CACNA1C: variants seen among roughly 807,000 people sequenced by gnomAD.
CACNA1C encodes the protein calcium voltage-gated channel subunit alpha1 C, also known as voltage-dependent L-type calcium channel subunit alpha-1C.
Under a neutral mutation model 229.0 loss-of-function variants are expected in CACNA1C, and 30 were observed. The ratio of observed to expected loss-of-function variants is 0.13; its 90% CI spans 0.10 to 0.18. The LOEUF is 0.18. Ranked by LOEUF, CACNA1C falls within the 10% of genes least tolerant of loss-of-function variation. The pLI is 1.00. For missense variants in CACNA1C, 1,658 were observed against 2,845.0 expected (o/e 0.58, Z 9.49); for synonymous variants, 1,114 against 1,132.5 (o/e 0.98, Z 0.33).
At chr12:2,184,258 C>A (rs1258053019) in intron 3 of CACNA1C, among the ~76,000 whole-genome samples, 1 of 152,220 alleles carries the variant, frequency 6.6e-6, no homozygotes, top group Non-Finnish European at 1.5e-5. Context: ...TCTGAAGCCA[C>A]GAGGCCTCGG....
At chr12:2,229,704 G>A (rs2064155280) in intron 3 of CACNA1C, among the ~76,000 whole-genome samples, 2 of 152,134 alleles carry the variant, frequency 1.3e-5, no homozygotes, top group Non-Finnish European at 2.9e-5. Context: ...ACTGACATTC[G>A]AGAGGAACGC....
intron 4 of CACNA1C, among the ~76,000 whole-genome samples, chr12:2,456,651 C>T (rs2099427353): frequency 6.6e-6 from 1 of 152,164 alleles, no homozygotes; most frequent in Admixed American, 6.5e-5. Context: ...CCCTCACTTC[C>T]CATAGGCCTC....
intron 3 of CACNA1C, among the ~76,000 whole-genome samples, chr12:2,153,246 A>G (rs985801216): frequency 6.6e-6 from 1 of 152,176 alleles, no homozygotes; most frequent in African/African-American, 2.4e-5. Context: ...ATGAAAGACA[A>G]CACTCAAGAA....
At chr12:1,999,400 T>A (rs763254617) in intron 1 of CACNA1C, among the ~76,000 whole-genome samples, 9 of 152,220 alleles carry the variant, frequency 5.9e-5, no homozygotes, top group Non-Finnish European at 1.3e-4. Context: ...TTTATTATTA[T>A]GGAATATGAA....
intron 1 of CACNA1C, among the ~76,000 whole-genome samples, chr12:2,088,422 G>T (rs1450608299): frequency 1.3e-5 from 2 of 152,154 alleles, no homozygotes; most frequent in South Asian, 2.1e-4. Flanking sequence ...TTGCTGTCAG[G>T]CTGCTTGGTT....
intron 3 of CACNA1C, among the ~76,000 whole-genome samples, chr12:2,330,249 C>T (rs565679781): frequency 3.7e-4 from 56 of 152,248 alleles, no homozygotes; most frequent in East Asian, 9.6e-4. Context: ...CATGAGATGC[C>T]GGGGAAGACC....
At position 2,676,730 on chromosome 12, in the gene CACNA1C, T is replaced by TA. The variant is rs35552109; in HGVS notation, c.4829-352dup. ...CTGGAATCAAATGTATCAGTTCAGTTAAAAAAAAAAAAGCGGGAAATAATT... is the reference window on the plus strand; with the variant it reads ...CTGGAATCAAATGTATCAGTTCAGTTAAAAAAAAAAAAAGCGGGAAATAATT... On this transcript the variant is annotated intron_variant, in intron 39 of 46. Transcript: ENST00000399655. 730 of 168,998 alleles carry TA rather than the reference T, an allele frequency of 4.3e-3. 1 individual carries two copies. Among genetic ancestry groups the TA allele is most frequent in the South Asian group, 0.013 (103 of 7,646 alleles). 10.5% of individuals were successfully genotyped at this position (168,998 alleles called of 1,614,324 possible).
At position 2,157,133 on chromosome 12, in the gene CACNA1C, T is replaced by C. The variant is rs377199822; in HGVS notation, c.477+36703T>C. On this transcript the variant is annotated intron_variant, in intron 3 of 46. Transcript: ENST00000399655. Reference sequence around the variant, plus strand: ...GTTCAACGTTTGTATTCTTAGAAAATGCTAAGAGTAGATGGCACAGTGTTC... The same window carrying C: ...GTTCAACGTTTGTATTCTTAGAAAACGCTAAGAGTAGATGGCACAGTGTTC... 1.6e-4 allele frequency among the ~76,000 whole-genome samples: 25 copies of C among 152,258 alleles called. No individual in the cohort carries two copies. In the East Asian group the frequency reaches 3.5e-3, roughly 21 times the overall value.
chr12:2,556,811 T>G (rs1375270241), intron 10 of CACNA1C, 140 bp from the exon 11 acceptor site: 7 of 736,402 alleles, frequency 9.5e-6, no homozygotes, highest in Non-Finnish European at 1.8e-5. Flanking sequence ...TCTCCCAAGA[T>G]GTTCTAGTTC....
At position 2,420,102 on chromosome 12, in the gene CACNA1C, G is replaced by GGTGTGTGTGTGTGTGTGTGTGTGT. The variant is rs564990323; in HGVS notation, c.478-28851_478-28828dup. Among the ~76,000 whole-genome samples, 541 of 125,458 alleles carry GGTGTGTGTGTGTGTGTGTGTGTGT rather than the reference G, an allele frequency of 4.3e-3. 11 individuals carry two copies. Among genetic ancestry groups the GGTGTGTGTGTGTGTGTGTGTGTGT allele is most frequent in the Middle Eastern group, 0.012 (3 of 258 alleles). 82.3% of individuals were successfully genotyped at this position (125,458 alleles called of 152,430 possible). Reference sequence around the variant, plus strand: ...CAGGGTAATCAGACTTAGGCAAAATGGTGTGTGTGTGTGTGTGTGTGTGTG... The same window carrying GGTGTGTGTGTGTGTGTGTGTGTGT: ...CAGGGTAATCAGACTTAGGCAAAATGGTGTGTGTGTGTGTGTGTGTGTGTGTGTGTGTGTGTGTGTGTGTGTGTG... On this transcript the variant is annotated intron_variant, in intron 3 of 46. Transcript: ENST00000399655.
At chr12:2,074,713 G>T (rs552321573) in intron 1 of CACNA1C, among the ~76,000 whole-genome samples, 1 of 152,114 alleles carries the variant, frequency 6.6e-6, no homozygotes. Context: ...CCCCTGCTTC[G>T]ATAAAATACT....
At chr12:2,079,584 A>T (rs2064662864) in intron 1 of CACNA1C, among the ~76,000 whole-genome samples, 1 of 152,202 alleles carries the variant, frequency 6.6e-6, no homozygotes. Flanking sequence ...TACCTCCAGA[A>T]GGCCGCACCT....
chr12:2,340,190 CATA>C (rs2096822603), intron 3 of CACNA1C, among the ~76,000 whole-genome samples: 1 of 152,202 alleles, frequency 6.6e-6, no homozygotes, highest in African/African-American at 2.4e-5. Flanking sequence ...TTATAATGTA[CATA>C]ATAACATATA....
intron 1 of CACNA1C, among the ~76,000 whole-genome samples, chr12:2,015,315 T>C (rs970971495): frequency 6.6e-6 from 1 of 152,224 alleles, no homozygotes; most frequent in African/African-American, 2.4e-5. Context: ...TAAGACTGTG[T>C]TAGCTTATCC....
intron 38 of CACNA1C, among the ~76,000 whole-genome samples, chr12:2,669,765 G>C (rs1018738737): frequency 1.3e-5 from 2 of 152,162 alleles, no homozygotes; most frequent in Non-Finnish European, 2.9e-5. Context: ...CTTAGCCAGC[G>C]GACAGGTGAG....
intron 3 of CACNA1C, among the ~76,000 whole-genome samples, chr12:2,391,740 T>C: frequency 6.6e-6 from 1 of 152,230 alleles, no homozygotes; most frequent in East Asian, 1.9e-4. Context: ...AGGAAGTCCC[T>C]TTTTACAGTG....
At chr12:2,503,304 C>A (rs915762169) in intron 7 of CACNA1C, among the ~76,000 whole-genome samples, 18 of 152,212 alleles carry the variant, frequency 1.2e-4, no homozygotes, top group African/African-American at 4.3e-4. Context: ...TCATTCAGGA[C>A]ACTTGTGTGC....
intron 1 of CACNA1C, among the ~76,000 whole-genome samples, chr12:1,990,473 A>G (rs1456352937): frequency 1.3e-5 from 2 of 152,214 alleles, no homozygotes; most frequent in Non-Finnish European, 2.9e-5. Flanking sequence ...GGCTGATTAA[A>G]TGAAGAGAGT....
chr12:2,612,088 G>A, intron 29 of CACNA1C, 75 bp downstream of exon 29: 1 of 895,454 alleles, frequency 1.1e-6, no homozygotes, highest in East Asian at 2.5e-5. Flanking sequence ...TGCAGGTATT[G>A]AAGGCAGAAT....
Sources: gnomAD v4.1 joint callset for allele counts (sites outside exome capture counted in the v4.1 genomes callset) on GRCh38, gnomAD v4.1.1 for gene constraint, MANE v1.5 for transcripts, NCBI Gene and HGNC (gene_info 2026-07-23, HGNC 2026-07-21) for gene names.